The following DUSP10 variants were observed in gnomAD, a reference collection of about 807,000 sequenced individuals.
DUSP10 encodes the protein dual specificity protein phosphatase 10.
DUSP10 carries 14 observed loss-of-function variants against 30.8 expected under a neutral mutation model. That is an observed-to-expected ratio of 0.46 (90% confidence interval 0.30 to 0.71). DUSP10 has a LOEUF of 0.71. DUSP10 is among the 30% of genes least tolerant of loss of function. The pLI is 0.08. For missense variants in DUSP10, 550 were observed against 619.4 expected (o/e 0.89, Z 1.19); for synonymous variants, 254 against 250.4 (o/e 1.01, Z -0.14).
chr1:221,738,008 A>C (rs556916789), intron 2 of DUSP10, among the ~76,000 whole-genome samples: 5 of 152,322 alleles, frequency 3.3e-5, no homozygotes, highest in South Asian at 2.1e-4. Context: ...ACCAGGTAAA[A>C]GATGCCGAAT....
At chr1:221,716,251 G>C (rs1313819362) in intron 2 of DUSP10, among the ~76,000 whole-genome samples, 1 of 152,172 alleles carries the variant, frequency 6.6e-6, no homozygotes, top group Non-Finnish European at 1.5e-5. Flanking sequence ...ACTCATCCCT[G>C]CCAGCCAAAC....
intron 2 of DUSP10, among the ~76,000 whole-genome samples, chr1:221,729,195 G>C (rs916659106): frequency 6.6e-6 from 1 of 152,320 alleles, no homozygotes; most frequent in East Asian, 1.9e-4. Context: ...AAACTGTCAT[G>C]ACCAAAATTT....
chr1:221,712,654 T>C (rs1300333886), intron 2 of DUSP10, among the ~76,000 whole-genome samples: 1 of 151,950 alleles, frequency 6.6e-6, no homozygotes, highest in East Asian at 1.9e-4. Flanking sequence ...TTTAGGAAGA[T>C]ATATCTAAAA....
At chr1:221,712,665 A>T (rs911724275) in intron 2 of DUSP10, among the ~76,000 whole-genome samples, 2 of 150,346 alleles carry the variant, frequency 1.3e-5, no homozygotes, top group Non-Finnish European at 3.0e-5. Flanking sequence ...ATATCTAAAA[A>T]TAAGTTAGTC....
intron 2 of DUSP10, among the ~76,000 whole-genome samples, chr1:221,736,059 A>G (rs1651343165): frequency 6.6e-6 from 1 of 152,194 alleles, no homozygotes; most frequent in South Asian, 2.1e-4. Flanking sequence ...ATAGGTCACA[A>G]CAGGGAGGGC....
intron 2 of DUSP10, chr1:221,737,585 C>T (rs1005623303): frequency 4.2e-6 from 2 of 481,016 alleles, no homozygotes; most frequent in East Asian, 1.5e-4. Context: ...TCTCTACATA[C>T]AATTCTTTCA....
intron 2 of DUSP10, among the ~76,000 whole-genome samples, chr1:221,714,950 C>G (rs1049394916): frequency 3.3e-5 from 5 of 152,186 alleles, no homozygotes; most frequent in Non-Finnish European, 5.9e-5. Flanking sequence ...GACAATGACA[C>G]TTACCAAGAA....
At position 221,701,704 on chromosome 1, in the gene DUSP10, C is replaced by G. The variant is rs1660611566; in HGVS notation, c.*708G>C. 1 of 152,070 alleles carries G rather than the reference C, an allele frequency of 6.6e-6. No homozygotes were observed. Among genetic ancestry groups the G allele is most frequent in the Non-Finnish European group, 1.5e-5 (1 of 67,964 alleles). The allele number at this position is 152,070 out of a possible 1,614,324, so 9.4% of individuals were successfully genotyped here. Reference sequence around the variant, plus strand: ...TTTGTCTATCATTCAGCTGCCAGCTCTAACTTGTTTGCACACTTAAAACAT... The same window carrying G: ...TTTGTCTATCATTCAGCTGCCAGCTGTAACTTGTTTGCACACTTAAAACAT... On this transcript the variant is annotated 3_prime_UTR_variant, in exon 4 of 4. Transcript: ENST00000366899.
intron 2 of DUSP10, among the ~76,000 whole-genome samples, chr1:221,707,946 T>C (rs1660815487): frequency 6.6e-6 from 1 of 152,198 alleles, no homozygotes; most frequent in Admixed American, 6.5e-5. Flanking sequence ...TTACACACAA[T>C]GGCATGCACA....
Position 221,706,251 on chromosome 1 carries a change from T to C in DUSP10, c.1027A>G (p.Met343Val). 2 of 1,614,194 alleles carry C rather than the reference T, an allele frequency of 1.2e-6. No individual in the cohort carries two copies. Among genetic ancestry groups the C allele is most frequent in the Non-Finnish European group, 1.7e-6 (2 of 1,180,026 alleles). Reference protein sequence around the residue: ...NEQDAQDLDTMQRLNIGYVIN... With the variant: ...NEQDAQDLDTVQRLNIGYVIN... ...ACGTAGCCGATGTTCAGCCGCTGCA[T>C]GGTGTCCAGGTCCTGAGCATCCTGC... Residue 343 changes from methionine (M) to valine (V), a missense_variant, in exon 3 of 4, where the codon ATG (methionine) becomes GTG (valine). Transcript: ENST00000366899. The surrounding 1 kb of genome is among the most constrained non-coding windows in gnomAD (Gnocchi z 4.6).
chr1:221,730,521 C>T (rs1476759766), intron 2 of DUSP10, among the ~76,000 whole-genome samples: 3 of 152,200 alleles, frequency 2.0e-5, no homozygotes, highest in Admixed American at 6.5e-5. Flanking sequence ...AAATTCAAGT[C>T]GGGGGCCAGG....
At chr1:221,707,490 G>A (rs147194734) in intron 2 of DUSP10, among the ~76,000 whole-genome samples, 44 of 152,106 alleles carry the variant, frequency 2.9e-4, no homozygotes, top group African/African-American at 9.7e-4. Context: ...TGCCTCCCAC[G>A]AGTTATGGGT....
rs1660650025 is a variant in DUSP10 at position 221,702,968 on chromosome 1, T to C, written c.1184-291A>G. Among the ~76,000 whole-genome samples the C allele has an allele frequency of 6.6e-6, 1 of 152,166 alleles. No homozygotes were observed. The highest frequency in any genetic ancestry group is 2.4e-5 in the African/African-American group (1 of 41,436). On this transcript the variant is annotated intron_variant, in intron 3 of 3. Transcript: ENST00000366899. The surrounding 1 kb of genome is among the most constrained non-coding windows in gnomAD (Gnocchi z 4.5). ...CAGTTTGCTGCACAGGTGACAGCAG[T>C]GGCCGGAAGCCAGACCTATAACACA...
chr1:221,736,879 G>T, intron 2 of DUSP10: 2 of 985,406 alleles, frequency 2.0e-6, no homozygotes, highest in Non-Finnish European at 2.4e-6. Flanking sequence ...CGACTGCCGC[G>T]GTGTCTCACC....
In DUSP10 at chr1:221,702,772, T is replaced by G; in HGVS notation, c.1184-95A>C. ...ATCTCAACTTTGCAATGCCTTATTTTGTATAGAAATAATGAATTAAAACAG... is the reference window on the plus strand; with the variant it reads ...ATCTCAACTTTGCAATGCCTTATTTGGTATAGAAATAATGAATTAAAACAG... On this transcript the variant is annotated intron_variant, in intron 3 of 3. Transcript: ENST00000366899. The surrounding 1 kb of genome is among the most constrained non-coding windows in gnomAD (Gnocchi z 4.5). 1 of 1,285,280 alleles carries G rather than the reference T, an allele frequency of 7.8e-7. No homozygotes were observed. Among genetic ancestry groups the G allele is most frequent in the Non-Finnish European group, 1.1e-6 (1 of 933,050 alleles). 79.6% of individuals were successfully genotyped at this position (1,285,280 alleles called of 1,614,324 possible).
At chr1:221,732,907 G>A (rs750637754) in intron 2 of DUSP10, among the ~76,000 whole-genome samples, 2 of 152,178 alleles carry the variant, frequency 1.3e-5, no homozygotes, top group African/African-American at 2.4e-5. Context: ...CTGGATTAGG[G>A]GCCCTCTAAA....
chr1:221,724,335 T>C (rs1661363042), intron 2 of DUSP10, among the ~76,000 whole-genome samples: 1 of 96,380 alleles, frequency 1.0e-5, no homozygotes, highest in South Asian at 2.3e-4. Context: ...GCTACTATAA[T>C]AACAAGCATT....
Position 221,702,444 on chromosome 1 carries a change from G to T in DUSP10, c.1417C>A (p.Pro473Thr), listed in dbSNP as rs1660633984. The T allele has an allele frequency of 6.2e-7, 1 of 1,614,042 alleles. No individual in the cohort carries two copies. Among genetic ancestry groups the T allele is most frequent in the Non-Finnish European group, 8.5e-7 (1 of 1,180,004 alleles). ...ACCGTCTCCACGCCCATCAGCTTTG[G>T]TGTAAGGATTCTCGGTGTCACACCG... The part of the protein sequence containing the change: ...NNGVTPRILT[P>T]KLMGVETVV Residue 473 changes from proline to threonine, a missense_variant, in exon 4 of 4, where the codon CCA (proline) becomes ACA (threonine). By Grantham distance (38) the Pro-to-Thr change is conservative. Transcript: ENST00000366899. This position sits in a 1 kb window ranked among gnomAD's most constrained non-coding sequence, Gnocchi z 4.5.
At chr1:221,726,779 A>G (rs1354863852) in intron 2 of DUSP10, among the ~76,000 whole-genome samples, 1 of 152,024 alleles carries the variant, frequency 6.6e-6, no homozygotes, top group Non-Finnish European at 1.5e-5. Context: ...ACTTTTAAAC[A>G]AAAAGATCTA....
Sources: gnomAD v4.1 joint callset for allele counts (sites outside exome capture counted in the v4.1 genomes callset) on GRCh38, gnomAD v4.1.1 for gene constraint, Gnocchi (gnomAD v3.1) non-coding constraint, MANE v1.5 for transcripts, NCBI Gene and HGNC (gene_info 2026-07-23, HGNC 2026-07-21) for gene names.